DIP2B: variants seen among roughly 807,000 people sequenced by gnomAD.
DIP2B encodes the protein disco-interacting protein 2 homolog B.
DIP2B carries 76 observed loss-of-function variants against 198.0 expected under a neutral mutation model. The observed-to-expected ratio is 0.38, with a 90% confidence interval of 0.32 to 0.46. The LOEUF (loss-of-function observed/expected upper bound fraction) is 0.46, where lower values mean the gene tolerates loss of function less well. Among genes scored for constraint, DIP2B ranks in the 20% least tolerant of loss-of-function variants. DIP2B has a pLI of 0.99. For missense variants in DIP2B, 1,559 were observed against 1,978.4 expected, an observed-to-expected ratio of 0.79 and a Z score of 4.02; for synonymous variants, 701 against 739.1, an observed-to-expected ratio of 0.95 and a Z score of 0.84.
chr12:50,739,543 C>A lies in DIP2B; in HGVS notation c.4311C>A (p.Tyr1437Ter). ...AAQTLWARTGYLGFVRRTELT... is the reference protein window; with the variant it reads ...AAQTLWARTG ...AGACACTCTGGGCTCGGACAGGATA[C>A]CTTGGTTTTGTCCGCCGGACCGAGC... Residue 1437 changes from tyrosine to a stop codon, truncating the protein, a stop_gained, in exon 36 of 38, where the codon TAC (tyrosine) becomes TAA (stop). Coordinates refer to ENST00000301180, the MANE Select transcript of DIP2B (RefSeq NM_173602.3). LOFTEE classifies it high-confidence loss of function. The A allele has an allele frequency of 6.2e-7, 1 of 1,614,134 alleles. No homozygotes were observed. The highest frequency in any genetic ancestry group is 8.5e-7 in the Non-Finnish European group (1 of 1,180,002).
intron 1 of DIP2B, among the ~76,000 whole-genome samples, chr12:50,545,454 C>T (rs1488531650): frequency 1.4e-5 from 2 of 148,066 alleles, no homozygotes; most frequent in Non-Finnish European, 3.0e-5. Context: ...CAGCTCACTA[C>T]AGCCTTGACT....
chr12:50,545,327 C>T (rs1315957447), intron 1 of DIP2B, among the ~76,000 whole-genome samples: 1 of 150,232 alleles, frequency 6.7e-6, no homozygotes, highest in Non-Finnish European at 1.5e-5. Context: ...TTCCTCCCTT[C>T]ATCCCTCCCT....
chr12:50,725,108 T>C (rs1349506889), intron 28 of DIP2B, among the ~76,000 whole-genome samples: 4 of 152,190 alleles, frequency 2.6e-5, no homozygotes, highest in African/African-American at 7.2e-5. Flanking sequence ...CAAAATTGTT[T>C]TGCTGTTACT....
intron 1 of DIP2B, among the ~76,000 whole-genome samples, chr12:50,580,930 C>T (rs1054300628): frequency 1.3e-5 from 2 of 149,336 alleles, no homozygotes; most frequent in South Asian, 2.2e-4. Context: ...CTTGAAGGAC[C>T]GACCCGGCTT....
At chr12:50,696,070 C>T (rs1372169604) in intron 16 of DIP2B, 103 bp downstream of exon 16, 11 of 1,504,684 alleles carry the variant, frequency 7.3e-6, no homozygotes, top group Non-Finnish European at 9.9e-6. Context: ...AAAACTCACT[C>T]ATTTAAGATG....
intron 1 of DIP2B, among the ~76,000 whole-genome samples, chr12:50,578,774 C>A (rs1565831559): frequency 6.6e-6 from 1 of 152,164 alleles, no homozygotes; most frequent in Non-Finnish European, 1.5e-5. Flanking sequence ...TCCCAAAGTG[C>A]TGGGATTACA....
At chr12:50,715,976 C>T (rs984951158) in intron 23 of DIP2B, among the ~76,000 whole-genome samples, 13 of 152,234 alleles carry the variant, frequency 8.5e-5, no homozygotes, top group African/African-American at 2.9e-4. Context: ...TTACTGCTTT[C>T]AGTATCTTTC....
At chr12:50,636,748 C>T (rs775484566) in intron 2 of DIP2B, among the ~76,000 whole-genome samples, 2 of 152,198 alleles carry the variant, frequency 1.3e-5, no homozygotes, top group Non-Finnish European at 2.9e-5. Flanking sequence ...TACTTGGACT[C>T]CCGGAGCAGA....
intron 3 of DIP2B, among the ~76,000 whole-genome samples, chr12:50,652,090 G>C (rs1028451084): frequency 6.6e-6 from 1 of 151,824 alleles, no homozygotes. Context: ...TGAGGCGGAC[G>C]ATCACGAAGT....
At chr12:50,681,046 A>G (rs1408520225) in intron 9 of DIP2B, among the ~76,000 whole-genome samples, 1 of 152,210 alleles carries the variant, frequency 6.6e-6, no homozygotes, top group Non-Finnish European at 1.5e-5. Flanking sequence ...CTTTCCAGAA[A>G]TAAATATTTG....
intron 1 of DIP2B, among the ~76,000 whole-genome samples, chr12:50,596,653 C>T: frequency 6.6e-6 from 1 of 152,082 alleles, no homozygotes; most frequent in East Asian, 1.9e-4. Flanking sequence ...TTACTTGAGC[C>T]CAGGAGTTTG....
At chr12:50,610,957 T>C (rs7135837) in intron 1 of DIP2B, among the ~76,000 whole-genome samples, 110,687 of 151,856 alleles carry the variant, frequency 0.73, 41,089 homozygotes, top group East Asian at 1. Context: ...TGCCACCACC[T>C]CCAGCTAATT....
At position 50,505,022 on chromosome 12, in the gene DIP2B, C is replaced by CGGCGGCGGCGGCGGCGGCGGCGGCGGT. The variant is rs1274636642; in HGVS notation, c.-117_-116insCGGCGGCGGCGGCGGCGGCGGCGGTGG. The CGGCGGCGGCGGCGGCGGCGGCGGCGGT allele has an allele frequency of 3.4e-5, 34 of 1,001,318 alleles. No homozygotes were observed. The highest frequency in any genetic ancestry group is 5.8e-5 in the East Asian group (2 of 34,468). The allele number at this position is 1,001,318 out of a possible 1,614,324, so 62.0% of individuals were successfully genotyped here. A position where few individuals can be genotyped will look rare whatever the true frequency, so the allele number is the denominator to read the frequency against. On this transcript the variant is annotated 5_prime_UTR_variant, in exon 1 of 38. Transcript: ENST00000301180. The stretch of plus-strand genomic sequence containing the variant: ...CTCATGGCGGCGGCGGCGGCGGCGG[C>CGGCGGCGGCGGCGGCGGCGGCGGCGGT]GGTGCTGGTGGTGCTCGGCGGCCGG...
intron 1 of DIP2B, among the ~76,000 whole-genome samples, chr12:50,521,489 C>CT (rs35971707): frequency 0.031 from 3,019 of 98,250 alleles, 164 homozygotes; most frequent in African/African-American, 0.057. Flanking sequence ...AGGTTTCTTT[C>CT]TTTTTTTTTT....
intron 1 of DIP2B, among the ~76,000 whole-genome samples, chr12:50,567,896 A>G (rs1399938397): frequency 6.6e-6 from 1 of 152,158 alleles, no homozygotes; most frequent in Non-Finnish European, 1.5e-5. Flanking sequence ...TCTTTCTCCC[A>G]AGAATTGGTC....
At position 50,589,434 on chromosome 12, in the gene DIP2B, G is replaced by A. The variant is rs370666666; in HGVS notation, c.101-36542G>A. Among the ~76,000 whole-genome samples the A allele has an allele frequency of 7.3e-5, 11 of 151,710 alleles. No individual in the cohort carries two copies. The East Asian group carries it at 2.0e-3, about 27-fold the overall frequency. ...CTGGTCTCAAACTCCTGACCTCGGC[G>A]TCCCAAAGTGCTGGGGTTTCAGATG... On this transcript the variant is annotated intron_variant, in intron 1 of 37. Coordinates refer to ENST00000301180, the MANE Select transcript of DIP2B (RefSeq NM_173602.3).
chr12:50,603,772 G>A (rs1958958956), intron 1 of DIP2B, among the ~76,000 whole-genome samples: 1 of 152,184 alleles, frequency 6.6e-6, no homozygotes, highest in Non-Finnish European at 1.5e-5. Flanking sequence ...GCAGAGAAGA[G>A]AAGGGAGAGG....
chr12:50,653,346 C>A, intron 3 of DIP2B, among the ~76,000 whole-genome samples: 1 of 76,644 alleles, frequency 1.3e-5, no homozygotes, highest in South Asian at 4.5e-4. Context: ...TTTTTCTTTT[C>A]TTTTTTTTTT....
At chr12:50,518,246 CAG>C (rs367832796) in intron 1 of DIP2B, among the ~76,000 whole-genome samples, 348 of 140,648 alleles carry the variant, frequency 2.5e-3, no homozygotes, top group African/African-American at 8.8e-3. Context: ...TTTTTTGAGA[CAG>C]AATCTCTCTC....
Sources: gnomAD v4.1 joint callset for allele counts (sites outside exome capture counted in the v4.1 genomes callset) on GRCh38, gnomAD v4.1.1 for gene constraint, MANE v1.5 for transcripts, NCBI Gene and HGNC (gene_info 2026-07-23, HGNC 2026-07-21) for gene names.